The following MAPRE2 variants were observed in gnomAD, a reference collection of about 807,000 sequenced individuals.
The protein encoded by MAPRE2 is microtubule associated protein RP/EB family member 2, also known as microtubule-associated protein RP/EB family member 2.
A neutral mutation model predicts 43.2 loss-of-function variants in MAPRE2; 13 were observed. The ratio of observed to expected loss-of-function variants is 0.30; its 90% confidence interval spans 0.20 to 0.48. The LOEUF (loss-of-function observed/expected upper bound fraction) is 0.48, where lower values mean the gene tolerates loss of function less well. Ranked by LOEUF, MAPRE2 falls within the 20% of genes least tolerant of loss-of-function variation. The probability of loss-of-function intolerance (pLI) is 0.99; values close to 1 mark genes in which losing one functional copy is unlikely to be tolerated. For synonymous variants in MAPRE2, 135 were observed against 148.8 expected (o/e 0.91, Z 0.68); for missense variants, 161 against 400.2 (o/e 0.40, Z 5.10).
chr18:34,980,023 C>CTTTT lies in MAPRE2; in HGVS notation c.-70+2948_-70+2951dup, dbSNP rs1450524683. 5.1e-4 allele frequency among the ~76,000 whole-genome samples: 67 copies of CTTTT among 132,482 alleles called. 1 individual carries two copies. Among genetic ancestry groups the CTTTT allele is most frequent in the African/African-American group, 1.9e-3 (65 of 34,112 alleles). The allele number at this position is 132,482 out of a possible 152,430, so 86.9% of individuals were successfully genotyped here. On this transcript the variant is annotated intron_variant, in intron 1 of 7. Coordinates refer to the MAPRE2 transcript ENST00000413393. Reference sequence around the variant, plus strand: ...TTTCTTTTCTTTTCTTTTTCTTTTTCTTTTTTTCTTTTTTTTTTTTTTTTT... The same window carrying CTTTT: ...TTTCTTTTCTTTTCTTTTTCTTTTTCTTTTTTTTTTTCTTTTTTTTTTTTTTTTT...
At chr18:35,087,265 C>G (rs1394085017) in intron 2 of MAPRE2, among the ~76,000 whole-genome samples, 1 of 152,038 alleles carries the variant, frequency 6.6e-6, no homozygotes, top group African/African-American at 2.4e-5. Flanking sequence ...TTTTTTCCCC[C>G]CTACTTATTT....
At chr18:35,005,470 T>C in intron 1 of MAPRE2, 5 of 1,469,708 alleles carry the variant, frequency 3.4e-6, no homozygotes, top group Non-Finnish European at 4.6e-6. Context: ...ACTCTTTTTT[T>C]CTTCCATTTT....
Position 35,067,501 on chromosome 18 carries a change from C to T in MAPRE2, c.123-2694C>T, listed in dbSNP as rs552038659. ...CTTATGTAACCACAGAACGTTTTTACTCACTTGTGTATGGGTTATTTTTCT... is the reference window on the plus strand; with the variant it reads ...CTTATGTAACCACAGAACGTTTTTATTCACTTGTGTATGGGTTATTTTTCT... On this transcript the variant is annotated intron_variant, in intron 1 of 6. Transcript: ENST00000300249. Among the ~76,000 whole-genome samples the T allele has an allele frequency of 6.3e-4, 96 of 152,300 alleles. No individual in the cohort carries two copies. In the South Asian group the frequency reaches 0.018, roughly 29 times the overall value.
chr18:34,985,332 ATATATAATATAT>A (rs1477276937), intron 1 of MAPRE2, among the ~76,000 whole-genome samples: 1 of 32,138 alleles, frequency 3.1e-5, no homozygotes, highest in Non-Finnish European at 5.3e-5. Flanking sequence ...ATATAATATA[ATATATAATATAT>A]TATATTATAT....
upstream of MAPRE2, among the ~76,000 whole-genome samples, chr18:35,037,000 C>G (rs186965624): frequency 6.6e-6 from 1 of 152,272 alleles, no homozygotes; most frequent in Non-Finnish European, 1.5e-5. Context: ...CTTTTCGGAC[C>G]TACTTCCAAG....
intron 2 of MAPRE2, among the ~76,000 whole-genome samples, chr18:35,036,080 G>A (rs768072900): frequency 4.0e-5 from 6 of 150,834 alleles, no homozygotes; most frequent in African/African-American, 9.8e-5. Context: ...AAACTTTATC[G>A]CAAAAGAACA....
At chr18:35,127,207 A>G in intron 5 of MAPRE2, 120 bp downstream of exon 5, 2 of 965,254 alleles carry the variant, frequency 2.1e-6, no homozygotes, top group Non-Finnish European at 3.1e-6. Flanking sequence ...CTTGGTTTCA[A>G]GTAAGTGAGA....
chr18:35,071,890 G>A (rs1181743192), intron 2 of MAPRE2, among the ~76,000 whole-genome samples: 4 of 152,190 alleles, frequency 2.6e-5, no homozygotes, highest in Non-Finnish European at 4.4e-5. Flanking sequence ...ACAAATCTAT[G>A]CCTAGGTCTC....
intron 1 of MAPRE2, among the ~76,000 whole-genome samples, chr18:34,977,560 G>A (rs1433783668): frequency 2.0e-5 from 3 of 152,182 alleles, no homozygotes; most frequent in African/African-American, 7.2e-5. Flanking sequence ...CGCGCTTGGG[G>A]GCAGATCAGG....
chr18:35,038,839 T>C (rs898736344), upstream of MAPRE2, among the ~76,000 whole-genome samples: 1 of 152,214 alleles, frequency 6.6e-6, no homozygotes, highest in Non-Finnish European at 1.5e-5. Flanking sequence ...ATCACTGGTC[T>C]CTGGAGTTCT....
chr18:35,026,268 A>C (rs1168102408), intron 2 of MAPRE2, among the ~76,000 whole-genome samples: 1 of 152,180 alleles, frequency 6.6e-6, no homozygotes, highest in African/African-American at 2.4e-5. Flanking sequence ...GAGGATTCAA[A>C]GCTAAGTGCT....
intron 3 of MAPRE2, among the ~76,000 whole-genome samples, chr18:35,100,102 CTCACACACAT>C (rs1193188778): frequency 6.6e-5 from 10 of 152,150 alleles, no homozygotes; most frequent in African/African-American, 2.4e-4. Flanking sequence ...TGCTTACACA[CTCACACACAT>C]TCACACACTC....
intron 2 of MAPRE2, among the ~76,000 whole-genome samples, chr18:35,034,076 C>T (rs1478732455): frequency 1.3e-5 from 2 of 152,144 alleles, no homozygotes; most frequent in African/African-American, 4.8e-5. Flanking sequence ...AGCAAAAGAA[C>T]AAAGCTGGAG....
At chr18:35,098,155 G>C (rs1371798864) in intron 3 of MAPRE2, among the ~76,000 whole-genome samples, 2 of 152,180 alleles carry the variant, frequency 1.3e-5, no homozygotes, top group African/African-American at 4.8e-5. Context: ...TTGTCCTGGA[G>C]TGGTGCAAAT....
At chr18:35,118,474 C>T (rs1005093211) in intron 4 of MAPRE2, among the ~76,000 whole-genome samples, 14 of 152,160 alleles carry the variant, frequency 9.2e-5, no homozygotes, top group African/African-American at 3.1e-4. Context: ...GGCGACTGTT[C>T]TGTAGGGTAC....
intron 2 of MAPRE2, among the ~76,000 whole-genome samples, chr18:35,028,070 T>C (rs1415241526): frequency 2.0e-5 from 3 of 152,226 alleles, no homozygotes; most frequent in Non-Finnish European, 4.4e-5. Context: ...GCAGCTGACC[T>C]TTAAGAGACA....
At chr18:35,096,544 G>A (rs1044192407) in intron 2 of MAPRE2, among the ~76,000 whole-genome samples, 2 of 151,808 alleles carry the variant, frequency 1.3e-5, no homozygotes, top group Non-Finnish European at 1.5e-5. Flanking sequence ...TTCCCCAGGG[G>A]GCTCATTGGA....
intron 2 of MAPRE2, among the ~76,000 whole-genome samples, chr18:35,036,256 T>C (rs905939921): frequency 5.9e-5 from 9 of 152,102 alleles, no homozygotes; most frequent in African/African-American, 1.9e-4. Context: ...TCCTGAGTTA[T>C]ACCCCATGAA....
At chr18:34,995,974 C>T (rs1195047068) in intron 1 of MAPRE2, among the ~76,000 whole-genome samples, 6 of 152,172 alleles carry the variant, frequency 3.9e-5, no homozygotes, top group African/African-American at 1.4e-4. Context: ...GAATCATAAC[C>T]TGCATTGTAA....
Sources: gnomAD v4.1 joint callset for allele counts (sites outside exome capture counted in the v4.1 genomes callset) on GRCh38, gnomAD v4.1.1 for gene constraint, MANE v1.5 for transcripts, NCBI Gene and HGNC (gene_info 2026-07-23, HGNC 2026-07-21) for gene names.